The following DPP10 variants were observed in gnomAD, a reference collection of about 807,000 sequenced individuals.
DPP10 encodes dipeptidyl peptidase like 10, also known as inactive dipeptidyl peptidase 10.
DPP10 carries 33 observed loss-of-function variants against 120.9 expected under a neutral mutation model. The ratio of observed to expected loss-of-function variants is 0.27; its 90% confidence interval spans 0.21 to 0.37. The LOEUF (loss-of-function observed/expected upper bound fraction) is 0.37, where lower values mean the gene tolerates loss of function less well. Among genes scored for constraint, DPP10 ranks in the 10% least tolerant of loss-of-function variants. DPP10 has a pLI of 1.00. For missense variants in DPP10, 816 were observed against 942.8 expected (o/e 0.87, Z 1.76); for synonymous variants, 337 against 326.1 (o/e 1.03, Z -0.36).
chr2:115,367,869 G>GC, intron 3 of DPP10, among the ~76,000 whole-genome samples: 1 of 151,856 alleles, frequency 6.6e-6, no homozygotes, highest in African/African-American at 2.4e-5. Context: ...GATGCAAAAG[G>GC]AAAAAAATAC....
chr2:115,555,634 C>A (rs555318303), intron 5 of DPP10, among the ~76,000 whole-genome samples: 2 of 152,194 alleles, frequency 1.3e-5, no homozygotes, highest in South Asian at 4.1e-4. Flanking sequence ...AGAGCTCTTA[C>A]TGTTTCTGAT....
At chr2:115,034,851 C>T (rs142259457) in intron 1 of DPP10, among the ~76,000 whole-genome samples, 13 of 152,314 alleles carry the variant, frequency 8.5e-5, no homozygotes, top group African/African-American at 2.9e-4. Flanking sequence ...TTCTTTCAGG[C>T]TGTCCATTTT....
At chr2:115,806,373 G>A (rs1412487980) in intron 19 of DPP10, among the ~76,000 whole-genome samples, 1 of 151,998 alleles carries the variant, frequency 6.6e-6, no homozygotes, top group Non-Finnish European at 1.5e-5. Flanking sequence ...GTTGCAAGAT[G>A]GTTCTGCCAC....
At chr2:115,593,415 T>C (rs1317349991) in intron 5 of DPP10, among the ~76,000 whole-genome samples, 2 of 152,156 alleles carry the variant, frequency 1.3e-5, no homozygotes, top group African/African-American at 4.8e-5. Context: ...TTCTGAGAAA[T>C]CCACACATCA....
At chr2:114,843,868 G>A (rs1271295888) in intron 1 of DPP10, among the ~76,000 whole-genome samples, 1 of 152,120 alleles carries the variant, frequency 6.6e-6, no homozygotes, top group African/African-American at 2.4e-5. Flanking sequence ...CCCAAGACAT[G>A]TTTGTAGCCT....
chr2:114,726,177 A>C (rs1184278998), intron 1 of DPP10, among the ~76,000 whole-genome samples: 1 of 151,580 alleles, frequency 6.6e-6, no homozygotes, highest in Non-Finnish European at 1.5e-5. Context: ...CGGAGCTTGC[A>C]GTGAGCCGAG....
intron 1 of DPP10, among the ~76,000 whole-genome samples, chr2:114,929,591 C>T (rs941694977): frequency 2.0e-5 from 3 of 152,218 alleles, no homozygotes; most frequent in Non-Finnish European, 2.9e-5. Context: ...GCCCCATAGG[C>T]AGTCAGACCT....
At chr2:114,734,740 G>A (rs1677255874) in intron 1 of DPP10, among the ~76,000 whole-genome samples, 1 of 152,178 alleles carries the variant, frequency 6.6e-6, no homozygotes. Flanking sequence ...TCTTAAAATA[G>A]TCTGTCTCTC....
At chr2:115,358,999 T>C (rs1451989579) in intron 3 of DPP10, among the ~76,000 whole-genome samples, 1 of 152,202 alleles carries the variant, frequency 6.6e-6, no homozygotes, top group Admixed American at 6.5e-5. Flanking sequence ...GAAACTACAA[T>C]TCAAGATGAG....
intron 1 of DPP10, among the ~76,000 whole-genome samples, chr2:114,734,546 T>C (rs955910634): frequency 6.6e-6 from 1 of 152,168 alleles, no homozygotes; most frequent in Admixed American, 6.5e-5. Context: ...CATGCCTCCC[T>C]GAAATATATA....
At chr2:114,809,998 C>T (rs748377783) in intron 1 of DPP10, among the ~76,000 whole-genome samples, 1 of 152,136 alleles carries the variant, frequency 6.6e-6, no homozygotes, top group Non-Finnish European at 1.5e-5. Flanking sequence ...TGGAGTGGGA[C>T]TCCCATGTCT....
At chr2:115,022,623 C>T (rs1330169147) in intron 1 of DPP10, among the ~76,000 whole-genome samples, 1 of 151,676 alleles carries the variant, frequency 6.6e-6, no homozygotes, top group Non-Finnish European at 1.5e-5. Flanking sequence ...ATACCACCAT[C>T]GTTCTCCACA....
intron 1 of DPP10, among the ~76,000 whole-genome samples, chr2:114,989,545 C>T (rs1277853933): frequency 6.6e-6 from 1 of 152,146 alleles, no homozygotes; most frequent in Non-Finnish European, 1.5e-5. Flanking sequence ...ACAATTGCAA[C>T]ACAATGACGA....
intron 1 of DPP10, among the ~76,000 whole-genome samples, chr2:114,714,535 T>G (rs1701234245): frequency 6.6e-6 from 1 of 152,046 alleles, no homozygotes; most frequent in Non-Finnish European, 1.5e-5. Context: ...GAGAAAAGCC[T>G]AAACAACACT....
intron 1 of DPP10, among the ~76,000 whole-genome samples, chr2:115,255,168 GA>G (rs1371328320): frequency 6.6e-6 from 1 of 152,196 alleles, no homozygotes; most frequent in African/African-American, 2.4e-5. Context: ...AATCTAGGCG[GA>G]GGTTCCCAAA....
chr2:115,798,307 A>G (rs1684771497), intron 19 of DPP10, among the ~76,000 whole-genome samples: 1 of 152,028 alleles, frequency 6.6e-6, no homozygotes, highest in Non-Finnish European at 1.5e-5. Context: ...TTAAGAAAAA[A>G]CATATTAGGA....
At chr2:115,616,534 T>G (rs1426443429) in intron 5 of DPP10, among the ~76,000 whole-genome samples, 1 of 151,978 alleles carries the variant, frequency 6.6e-6, no homozygotes, top group Non-Finnish European at 1.5e-5. Context: ...TTGCCAGCAG[T>G]TAGTTATTCA....
At chr2:114,727,236 G>T (rs1386799255) in intron 1 of DPP10, among the ~76,000 whole-genome samples, 1 of 152,128 alleles carries the variant, frequency 6.6e-6, no homozygotes, top group Non-Finnish European at 1.5e-5. Flanking sequence ...CAGAGTGGTG[G>T]AAGTGAGCCT....
At position 114,702,302 on chromosome 2, in the gene DPP10, AT is replaced by A. The variant is rs796926049; in HGVS notation, c.60+259476del. The stretch of plus-strand genomic sequence containing the variant: ...AGGAAGCAAGTTTTGAAGTGAGGAA[AT>A]TTTTTTTTTTTGACAGTTTAAGATG... On this transcript the variant is annotated intron_variant, in intron 1 of 25. Transcript: ENST00000410059. Among the ~76,000 whole-genome samples the A allele has an allele frequency of 9.7e-4, 143 of 147,838 alleles. 1 individual carries two copies. The Middle Eastern group carries it at 0.011, about 11-fold the overall frequency.
Sources: allele counts gnomAD v4.1 joint callset (sites outside exome capture counted in the v4.1 genomes callset), GRCh38; gene constraint gnomAD v4.1.1; transcripts MANE v1.5; gene names NCBI Gene and HGNC (gene_info 2026-07-23, HGNC 2026-07-21).